Variants in JKAMP observed in about 807,000 individuals in gnomAD.
The protein encoded by JKAMP is JNK1/MAPK8 associated membrane protein, also known as JNK1/MAPK8-associated membrane protein.
JKAMP carries 20 observed loss-of-function variants against 40.2 expected under a neutral mutation model. The ratio of observed to expected loss-of-function variants is 0.50; its 90% confidence interval spans 0.35 to 0.72. The LOEUF (loss-of-function observed/expected upper bound fraction) is 0.72, where lower values mean the gene tolerates loss of function less well. Ranked by LOEUF, JKAMP falls within the 30% of genes least tolerant of loss-of-function variation. The pLI is 0.01. For synonymous variants in JKAMP, 138 were observed against 131.6 expected (o/e 1.05, Z -0.33); for missense variants, 276 against 373.0 (o/e 0.74, Z 2.14).
At chr14:59,494,139 A>T (rs996070274) in intron 3 of JKAMP, among the ~76,000 whole-genome samples, 8 of 117,100 alleles carry the variant, frequency 6.8e-5, no homozygotes, top group South Asian at 2.7e-4. Context: ...TGTGTGTGTG[A>T]GATACACACA....
intron 1 of JKAMP, chr14:59,485,583 C>A (rs1457332147): frequency 6.5e-6 from 1 of 153,686 alleles, no homozygotes; most frequent in African/African-American, 2.4e-5. Flanking sequence ...CAAGAATAGT[C>A]AAAAGATGCA....
intron 4 of JKAMP, 25 bp from the exon 5 acceptor site, chr14:59,498,702 A>G: frequency 8.1e-7 from 1 of 1,240,736 alleles, no homozygotes; most frequent in Admixed American, 2.3e-5. Flanking sequence ...TTTTGATGTT[A>G]CAAATTCTTT....
chr14:59,488,774 T>C (rs947333611), intron 3 of JKAMP, among the ~76,000 whole-genome samples: 3 of 152,232 alleles, frequency 2.0e-5, no homozygotes, highest in Non-Finnish European at 2.9e-5. Context: ...AAACTCTTTC[T>C]GCTGTCTGAA....
chr14:59,490,605 A>G (rs1890919522), intron 3 of JKAMP, among the ~76,000 whole-genome samples: 1 of 152,332 alleles, frequency 6.6e-6, no homozygotes, highest in East Asian at 1.9e-4. Flanking sequence ...TCAGATAGAA[A>G]TAGAATCAGC....
Position 59,504,252 on chromosome 14 carries a change from A to G in JKAMP, c.*180A>G. Reference sequence around the variant, plus strand: ...GACTTACAGACTTGGAAAATGCAAAACTCTGTAATACTCTGTTACACAGGG... The same window carrying G: ...GACTTACAGACTTGGAAAATGCAAAGCTCTGTAATACTCTGTTACACAGGG... On this transcript the variant is annotated 3_prime_UTR_variant, in exon 7 of 7. Coordinates refer to ENST00000616435, the MANE Select transcript of JKAMP (RefSeq NM_016475.5). 1.7e-6 allele frequency: 1 copy of G among 594,178 alleles called. No individual in the cohort carries two copies. The highest frequency in any genetic ancestry group is 3.0e-6 in the Non-Finnish European group (1 of 335,914). The allele number at this position is 594,178 out of a possible 1,614,324, so 36.8% of individuals were successfully genotyped here. A position where few individuals can be genotyped will look rare whatever the true frequency, so the allele number is the denominator to read the frequency against.
intron 3 of JKAMP, among the ~76,000 whole-genome samples, chr14:59,488,087 T>C (rs1274306234): frequency 2.0e-5 from 3 of 152,144 alleles, no homozygotes; most frequent in East Asian, 1.9e-4. Context: ...ATAATCCTTA[T>C]TGGTTTTCTA....
intron 4 of JKAMP, among the ~76,000 whole-genome samples, chr14:59,496,968 G>T (rs866144187): frequency 8.2e-6 from 1 of 122,290 alleles, no homozygotes; most frequent in Admixed American, 7.7e-5. Flanking sequence ...CACTTCCGAA[G>T]GTTGTAGGGC....
chr14:59,502,970 A>G (rs35275414), intron 6 of JKAMP, among the ~76,000 whole-genome samples: 86,548 of 151,150 alleles, frequency 0.57, 26,502 homozygotes, highest in East Asian at 0.82. Flanking sequence ...GGCTGGTCTC[A>G]AACTCCTGAC....
At chr14:59,484,977 AC>A in intron 1 of JKAMP, 1 of 1,565,970 alleles carries the variant, frequency 6.4e-7, no homozygotes. Context: ...TACTGCTTCA[AC>A]CTCAAACGTA....
chr14:59,503,718 A>T (rs183539127), intron 6 of JKAMP, 136 bp from the exon 7 acceptor site: 1 of 609,924 alleles, frequency 1.6e-6, no homozygotes, highest in Non-Finnish European at 2.7e-6. Flanking sequence ...TGATTTCTTA[A>T]GTCTTTTTTA....
chr14:59,498,614 A>G, intron 4 of JKAMP, 113 bp from the exon 5 acceptor site: 1 of 604,760 alleles, frequency 1.7e-6, no homozygotes. Flanking sequence ...TCCAATGGAT[A>G]GAGTAAATAT....
chr14:59,485,857 C>G (rs1037991484), intron 1 of JKAMP: 2 of 152,260 alleles, frequency 1.3e-5, no homozygotes, highest in Admixed American at 1.3e-4. Context: ...ACCTCATGAT[C>G]TGCCCACCTC....
chr14:59,495,330 T>A, intron 4 of JKAMP, 106 bp downstream of exon 4: 1 of 785,440 alleles, frequency 1.3e-6, no homozygotes, highest in Non-Finnish European at 2.1e-6. Flanking sequence ...GTTTGAGTTC[T>A]GGGTCTGCCA....
chr14:59,502,761 T>TG (rs1892014697), intron 6 of JKAMP, among the ~76,000 whole-genome samples: 1 of 45,282 alleles, frequency 2.2e-5, no homozygotes, highest in African/African-American at 1.3e-4. Flanking sequence ...TTTTTTTTTT[T>TG]TTTTTTTTTT....
rs1381299818 is a variant in JKAMP, at chr14:59,495,334, T to TCTGC, written c.458+112_458+115dup. On this transcript the variant is annotated intron_variant, in intron 4 of 6. Transcript: ENST00000616435. ...AACAGGTGTGGGTTTGAGTTCTGGG[T>TCTGC]CTGCCAGCGGCTTTATTACCTTGAA... The TCTGC allele has an allele frequency of 8.0e-6, 6 of 746,444 alleles. No homozygotes were observed. The African/African-American group carries it at 1.1e-4, about 13-fold the overall frequency. 46.2% of individuals were successfully genotyped at this position (746,444 alleles called of 1,614,324 possible).
In JKAMP at chr14:59,484,563, T is replaced by C. The variant is rs1281182818; in HGVS notation, c.-27T>C. 1.3e-6 allele frequency: 2 copies of C among 1,570,982 alleles called. No homozygotes were observed. The highest frequency in any genetic ancestry group is 1.7e-6 in the Non-Finnish European group (2 of 1,158,282). ...GCTGCCAGATCCGCTGATCTAGTGC[T>C]TCTCGAAAAAAACCTTCAGGCGGCC... On this transcript the variant is annotated 5_prime_UTR_variant, in exon 1 of 7. Transcript: ENST00000616435.
At chr14:59,491,972 C>T (rs1013871293) in intron 3 of JKAMP, among the ~76,000 whole-genome samples, 3 of 152,188 alleles carry the variant, frequency 2.0e-5, no homozygotes, top group Admixed American at 1.3e-4. Context: ...CAATTTAACC[C>T]TGTAAGACTC....
In JKAMP at chr14:59,498,779, C is replaced by T. The variant is rs771243663; in HGVS notation, c.511C>T (p.Leu171Phe). The T allele has an allele frequency of 8.1e-6, 13 of 1,605,158 alleles. No homozygotes were observed. In the East Asian group the frequency reaches 2.9e-4, roughly 36 times the overall value. ...ATTCTGCTTGGTATTAATGATGCTG[C>T]TCCGACCTCTTCTGGTGAAGAAGAT... is the stretch of plus-strand genomic sequence containing the variant. ...YAFCLVLMML[L>F]RPLLVKKIAC... is the part of the protein sequence containing the mutation. Residue 171 changes from leucine (L) to phenylalanine (F), a missense_variant, in exon 5 of 7, where the codon CTC becomes TTC. Coordinates refer to ENST00000616435, the MANE Select transcript of JKAMP (RefSeq NM_016475.5).
chr14:59,502,949 C>T (rs1892044587), intron 6 of JKAMP, among the ~76,000 whole-genome samples: 1 of 151,536 alleles, frequency 6.6e-6, no homozygotes, highest in South Asian at 2.1e-4. Flanking sequence ...GGGGTTTCAC[C>T]ATGTTGATCA....
Sources: allele counts gnomAD v4.1 joint callset (sites outside exome capture counted in the v4.1 genomes callset), GRCh38; gene constraint gnomAD v4.1.1; transcripts MANE v1.5; gene names NCBI Gene and HGNC (gene_info 2026-07-23, HGNC 2026-07-21).